The following PDSS2 variants were observed in gnomAD, a reference collection of about 807,000 sequenced individuals.
The protein encoded by PDSS2 is decaprenyl diphosphate synthase subunit 2, also known as all trans-polyprenyl-diphosphate synthase PDSS2.
A neutral mutation model predicts 44.5 loss-of-function variants in PDSS2; 31 were observed. The observed-to-expected ratio is 0.70, with a 90% CI of 0.52 to 0.94. The LOEUF (loss-of-function observed/expected upper bound fraction) is 0.94. Ranked by LOEUF, PDSS2 falls within the 40% of genes least tolerant of loss-of-function variation. The pLI is 0.00. For synonymous variants in PDSS2, 157 were observed against 180.3 expected, an observed-to-expected ratio of 0.87 and a Z score of 1.03; for missense variants, 452 against 482.2, an observed-to-expected ratio of 0.94 and a Z score of 0.59.
chr6:107,332,969 T>C (rs888388396), intron 2 of PDSS2, among the ~76,000 whole-genome samples: 6 of 152,196 alleles, frequency 3.9e-5, no homozygotes, highest in Non-Finnish European at 8.8e-5. Flanking sequence ...GTCACAACAG[T>C]AATCATTTCG....
At chr6:107,374,027 G>A (rs1470169134) in intron 1 of PDSS2, among the ~76,000 whole-genome samples, 1 of 152,056 alleles carries the variant, frequency 6.6e-6, no homozygotes, top group Non-Finnish European at 1.5e-5. Flanking sequence ...GCCGAGGCAC[G>A]GCAGATTACT....
intron 2 of PDSS2, among the ~76,000 whole-genome samples, chr6:107,314,022 G>A (rs890958611): frequency 1.3e-5 from 2 of 152,130 alleles, no homozygotes; most frequent in African/African-American, 4.8e-5. Context: ...AGCTACTAGG[G>A]AGGCTGGGGT....
chr6:107,419,787 T>C (rs1482216367), intron 1 of PDSS2, among the ~76,000 whole-genome samples: 1 of 152,220 alleles, frequency 6.6e-6, no homozygotes, highest in Non-Finnish European at 1.5e-5. Flanking sequence ...ACTGACAGTC[T>C]TATGCATCTT....
At chr6:107,342,625 T>G (rs1778116292) in intron 1 of PDSS2, among the ~76,000 whole-genome samples, 1 of 152,224 alleles carries the variant, frequency 6.6e-6, no homozygotes, top group African/African-American at 2.4e-5. Context: ...AATTGACTGC[T>G]GCATCAGTGC....
chr6:107,457,111 A>C (rs939436004), intron 1 of PDSS2, among the ~76,000 whole-genome samples: 23 of 152,314 alleles, frequency 1.5e-4, no homozygotes, highest in Non-Finnish European at 2.8e-4. Context: ...GAATAAAATC[A>C]CTTTATTATT....
rs191109024 is a variant in PDSS2 at position 107,380,459 on chromosome 6, G to C, written c.297-46127C>G. 5.9e-5 allele frequency among the ~76,000 whole-genome samples: 9 copies of C among 152,276 alleles called. No individual in the cohort carries two copies. In the East Asian group the frequency reaches 1.4e-3, roughly 23 times the overall value. The stretch of plus-strand genomic sequence containing the variant: ...TTTGAGGGCTGGCCTTTGTTACTGA[G>C]AACACTCTGAGAGCACTTCAAAGTG... On this transcript the variant is annotated intron_variant, in intron 1 of 7. Coordinates refer to ENST00000369037, the MANE Select transcript of PDSS2 (RefSeq NM_020381.4).
intron 2 of PDSS2, among the ~76,000 whole-genome samples, chr6:107,321,328 A>C (rs978919466): frequency 8.5e-5 from 13 of 152,290 alleles, no homozygotes; most frequent in African/African-American, 3.1e-4. Flanking sequence ...GTGGAGGGAG[A>C]GGTGATAGGT....
rs1446558243 is a variant in PDSS2 at position 107,225,137 on chromosome 6, T to TATATATATATATATATATTTATATA, written c.703-12856_703-12855insTATATAAATATATATATATATATAT. Among the ~76,000 whole-genome samples the TATATATATATATATATATTTATATA allele has an allele frequency of 1.3e-3, 81 of 62,368 alleles. 18 individuals are homozygous for TATATATATATATATATATTTATATA. Among genetic ancestry groups the TATATATATATATATATATTTATATA allele is most frequent in the African/African-American group, 5.8e-3 (60 of 10,352 alleles). The allele number at this position is 62,368 out of a possible 152,430, so 40.9% of individuals were successfully genotyped here. On this transcript the variant is annotated intron_variant, in intron 4 of 7. Transcript: ENST00000369037. ...AGGAAGCTTCACTATATATATATTT[T>TATATATATATATATATATTTATATA]TATATATATATATATATATATATAT...
chr6:107,221,971 T>A (rs1031688083), intron 4 of PDSS2, among the ~76,000 whole-genome samples: 2 of 152,166 alleles, frequency 1.3e-5, no homozygotes, highest in African/African-American at 2.4e-5. Flanking sequence ...AAGTACTTTT[T>A]AAAAAAGTAT....
intron 2 of PDSS2, among the ~76,000 whole-genome samples, chr6:107,278,088 A>G (rs1175468031): frequency 1.3e-5 from 2 of 152,138 alleles, no homozygotes; most frequent in South Asian, 2.1e-4. Context: ...AGATACAATT[A>G]AAAGAACAAA....
At chr6:107,440,692 C>T (rs1781487625) in intron 1 of PDSS2, among the ~76,000 whole-genome samples, 1 of 152,196 alleles carries the variant, frequency 6.6e-6, no homozygotes, top group African/African-American at 2.4e-5. Flanking sequence ...CTACCTGGCT[C>T]ATCATGCCAG....
At chr6:107,229,896 T>C (rs1334790781) in intron 4 of PDSS2, 1 of 204,346 alleles carries the variant, frequency 4.9e-6, no homozygotes, top group Non-Finnish European at 1.0e-5. Context: ...AGAGAAAATC[T>C]ACCAAAATCT....
At chr6:107,279,942 T>C (rs1775905823) in intron 2 of PDSS2, among the ~76,000 whole-genome samples, 1 of 152,216 alleles carries the variant, frequency 6.6e-6, no homozygotes, top group Non-Finnish European at 1.5e-5. Context: ...ATTCCTATTT[T>C]AGCTACCCAA....
At chr6:107,395,388 T>G (rs541483642) in intron 1 of PDSS2, among the ~76,000 whole-genome samples, 1 of 152,264 alleles carries the variant, frequency 6.6e-6, no homozygotes, top group South Asian at 2.1e-4. Flanking sequence ...TGTGCCCACC[T>G]TCTGGTGTTC....
At chr6:107,222,645 A>G (rs1262183113) in intron 4 of PDSS2, among the ~76,000 whole-genome samples, 1 of 148,020 alleles carries the variant, frequency 6.8e-6, no homozygotes, top group Non-Finnish European at 1.5e-5. Context: ...ACAGAGCAAG[A>G]CTGTCTCAAA....
intron 6 of PDSS2, chr6:107,197,706 T>C (rs550998879): frequency 2.6e-5 from 10 of 388,222 alleles, no homozygotes; most frequent in South Asian, 1.6e-4. Context: ...CCTAGAGAAT[T>C]GTTCCTGAGG....
chr6:107,310,236 G>C (rs1463061847), intron 2 of PDSS2, among the ~76,000 whole-genome samples: 1 of 134,362 alleles, frequency 7.4e-6, no homozygotes, highest in African/African-American at 2.8e-5. Context: ...AGTGAGCAGA[G>C]ATCACGCTAC....
intron 1 of PDSS2, among the ~76,000 whole-genome samples, chr6:107,362,672 AC>A (rs1448752119): frequency 6.6e-6 from 1 of 152,230 alleles, no homozygotes; most frequent in Non-Finnish European, 1.5e-5. Context: ...TATGATCCAT[AC>A]AAAAGCAGTC....
intron 3 of PDSS2, among the ~76,000 whole-genome samples, chr6:107,259,674 CA>C (rs200907014): frequency 5.2e-4 from 64 of 124,104 alleles, no homozygotes; most frequent in Admixed American, 4.9e-4. Context: ...GACTCTGTCT[CA>C]AAAAAAAAAA....
Sources: allele counts gnomAD v4.1 joint callset (sites outside exome capture counted in the v4.1 genomes callset), GRCh38; gene constraint gnomAD v4.1.1; transcripts MANE v1.5; gene names NCBI Gene and HGNC (gene_info 2026-07-23, HGNC 2026-07-21).